SNX24: variants seen among roughly 807,000 people sequenced by gnomAD.
SNX24 encodes the protein sorting nexin 24.
A neutral mutation model predicts 28.7 loss-of-function variants in SNX24; 22 were observed. That is an observed-to-expected ratio of 0.77 (90% CI 0.55 to 1.10). The LOEUF (loss-of-function observed/expected upper bound fraction) is 1.10, where lower values mean the gene tolerates loss of function less well. SNX24 is among the 50% of genes least tolerant of loss of function. The pLI, the probability that SNX24 is intolerant of heterozygous loss-of-function variation, is 0.00. For synonymous variants in SNX24, 69 were observed against 71.5 expected, an observed-to-expected ratio of 0.96 and a Z score of 0.18; for missense variants, 221 against 201.1, an observed-to-expected ratio of 1.10 and a Z score of -0.60.
At chr5:122,862,952 A>G (rs919013114) in intron 1 of SNX24, among the ~76,000 whole-genome samples, 5 of 152,304 alleles carry the variant, frequency 3.3e-5, no homozygotes, top group African/African-American at 9.6e-5. Flanking sequence ...TACAATGTCA[A>G]GAGAAAATGA....
At chr5:122,978,267 T>G (rs960176967) in intron 3 of SNX24, among the ~76,000 whole-genome samples, 24 of 152,212 alleles carry the variant, frequency 1.6e-4, no homozygotes, top group African/African-American at 5.5e-4. Flanking sequence ...AAGATTAGGT[T>G]TTGAACTGTT....
intron 1 of SNX24, among the ~76,000 whole-genome samples, chr5:122,854,451 T>C (rs1021106286): frequency 4.0e-4 from 60 of 148,446 alleles, no homozygotes; most frequent in African/African-American, 8.2e-4. Flanking sequence ...GAGCTTGCAG[T>C]GAGCTGAGAT....
At chr5:123,029,289 T>C (rs1762909794) in exon 6 of SNX24, 2 of 1,613,946 alleles carry the variant, frequency 1.2e-6, no homozygotes, top group Non-Finnish European at 8.5e-7. Flanking sequence ...TTAAAGGAAA[T>C]AAAATTGAGA....
Position 122,980,928 on chromosome 5 carries a change from G to A in SNX24, c.250-18984G>A, listed in dbSNP as rs982483061. ...AGCCATTGCCTCTGAAATTGCCGGT[G>A]CTCATGCTTTGTCCCATACAAATGA... On this transcript the variant is annotated intron_variant, in intron 3 of 6. Transcript: ENST00000261369. Among the ~76,000 whole-genome samples, 3 of 152,148 alleles carry A rather than the reference G, an allele frequency of 2.0e-5. No individual in the cohort carries two copies. The South Asian group carries it at 6.2e-4, about 32-fold the overall frequency.
intron 1 of SNX24, among the ~76,000 whole-genome samples, chr5:122,859,218 C>G (rs146627806): frequency 6.6e-6 from 1 of 152,280 alleles, no homozygotes; most frequent in East Asian, 1.9e-4. Flanking sequence ...TGGCTCATGC[C>G]TTCAGTCTCG....
At chr5:122,860,030 C>A (rs1755383625) in intron 1 of SNX24, among the ~76,000 whole-genome samples, 1 of 152,110 alleles carries the variant, frequency 6.6e-6, no homozygotes, top group Admixed American at 6.5e-5. Flanking sequence ...GTTTCCTATT[C>A]AGATCTTAGT....
In SNX24 at chr5:123,008,240, A is replaced by G. The variant is rs922030898; in HGVS notation, c.*491A>G. The G allele has an allele frequency of 2.0e-6, 2 of 985,622 alleles. No individual in the cohort carries two copies. The highest frequency in any genetic ancestry group is 1.2e-6 in the Non-Finnish European group (1 of 830,144). 61.1% of individuals were successfully genotyped at this position (985,622 alleles called of 1,614,324 possible). A position where few individuals can be genotyped will look rare whatever the true frequency, so the allele number is the denominator to read the frequency against. ...TGCTGGCACCAGGAGACGGCCACAGACACACACTGCTAAATGTGAAGATGG... is the reference window on the plus strand; with the variant it reads ...TGCTGGCACCAGGAGACGGCCACAGGCACACACTGCTAAATGTGAAGATGG... On this transcript the variant is annotated 3_prime_UTR_variant, in exon 7 of 7. Coordinates refer to ENST00000261369, the MANE Select transcript of SNX24 (RefSeq NM_014035.4).
intron 1 of SNX24, among the ~76,000 whole-genome samples, chr5:122,925,248 CCTCCTCCTT>C (rs1758641574): frequency 1.3e-5 from 1 of 79,892 alleles, no homozygotes; most frequent in Admixed American, 1.5e-4. Context: ...TTTTTCTCCT[CCTCCTCCTT>C]CCTTCCCCTC....
intron 3 of SNX24, among the ~76,000 whole-genome samples, chr5:122,986,565 G>A (rs1761612652): frequency 6.6e-6 from 1 of 152,112 alleles, no homozygotes; most frequent in Non-Finnish European, 1.5e-5. Flanking sequence ...AAGTGATTTA[G>A]CAACTCAAAA....
intron 6 of SNX24, among the ~76,000 whole-genome samples, chr5:123,006,441 A>G (rs1274530971): frequency 2.0e-5 from 3 of 152,046 alleles, no homozygotes; most frequent in Non-Finnish European, 4.4e-5. Context: ...GGCTGCCACC[A>G]TTGCCCTCTC....
At chr5:122,976,235 C>G (rs957981937) in intron 3 of SNX24, among the ~76,000 whole-genome samples, 2 of 147,898 alleles carry the variant, frequency 1.4e-5, no homozygotes, top group African/African-American at 5.0e-5. Flanking sequence ...CAGTAACATT[C>G]ACAATTTGGA....
intron 1 of SNX24, among the ~76,000 whole-genome samples, chr5:122,915,638 A>AT (rs1012026500): frequency 2.0e-5 from 3 of 151,594 alleles, no homozygotes; most frequent in South Asian, 2.1e-4. Flanking sequence ...TAAAAAAAAA[A>AT]TTTTTTTTTC....
chr5:122,925,052 C>A (rs746748873), intron 1 of SNX24, among the ~76,000 whole-genome samples: 4 of 145,352 alleles, frequency 2.8e-5, no homozygotes, highest in Middle Eastern at 3.7e-3. Context: ...TCTACCCATC[C>A]TCCTCCCTCC....
chr5:122,882,739 C>G (rs1370868286), intron 1 of SNX24, among the ~76,000 whole-genome samples: 1 of 152,040 alleles, frequency 6.6e-6, no homozygotes, highest in East Asian at 1.9e-4. Context: ...TCCTCCTTTC[C>G]TTTTTTTAAT....
intron 3 of SNX24, among the ~76,000 whole-genome samples, chr5:122,963,855 A>G (rs867067469): frequency 2.0e-5 from 3 of 152,244 alleles, no homozygotes; most frequent in South Asian, 4.2e-4. Context: ...CTTTTTTGTT[A>G]TTGTTCTCAC....
intron 3 of SNX24, among the ~76,000 whole-genome samples, chr5:122,970,730 A>G (rs1345899404): frequency 6.6e-6 from 1 of 152,170 alleles, no homozygotes; most frequent in African/African-American, 2.4e-5. Flanking sequence ...GGCCTCCCAA[A>G]GTGCTGGAAT....
intron 3 of SNX24, among the ~76,000 whole-genome samples, chr5:122,994,898 T>G (rs2150170179): frequency 6.6e-6 from 1 of 152,340 alleles, no homozygotes; most frequent in South Asian, 2.1e-4. Context: ...TTGCCCAGTT[T>G]TACTGTTTAT....
rs377658335 is a variant in SNX24 at position 122,899,999 on chromosome 5, A to G, written c.61-36735A>G. 1.1e-4 allele frequency among the ~76,000 whole-genome samples: 17 copies of G among 152,088 alleles called. 2 individuals are homozygous for G. Among genetic ancestry groups the G allele is most frequent in the East Asian group, 3.9e-4 (2 of 5,156 alleles). On this transcript the variant is annotated intron_variant, in intron 1 of 6. Transcript: ENST00000261369. ...CAAATAAATATTGTGTGTATTTAAG[A>G]TGTGCAATATGGTGTGGGTTTTTTT...
rs182392481 is a variant in SNX24, at chr5:122,883,931, A to G, written c.60+38238A>G. ...TAGTCTCTCAAAGTGTTGGGATTAC[A>G]GGCATGAGCCAGTACTCCTCGCCAC... On this transcript the variant is annotated intron_variant, in intron 1 of 6. Coordinates refer to ENST00000261369, the MANE Select transcript of SNX24 (RefSeq NM_014035.4). 2.5e-3 allele frequency among the ~76,000 whole-genome samples: 384 copies of G among 152,354 alleles called. 1 individual carries two copies. The highest frequency in any genetic ancestry group is 3.5e-3 in the Non-Finnish European group (240 of 68,030).
Sources: allele counts gnomAD v4.1 joint callset (sites outside exome capture counted in the v4.1 genomes callset), GRCh38; gene constraint gnomAD v4.1.1; transcripts MANE v1.5; gene names NCBI Gene and HGNC (gene_info 2026-07-23, HGNC 2026-07-21).